SRFBP1: variants seen among roughly 807,000 people sequenced by gnomAD.
SRFBP1 encodes serum response factor binding protein 1.
Under a neutral mutation model 45.5 loss-of-function variants are expected in SRFBP1, and 47 were observed. The observed-to-expected ratio is 1.03, with a 90% CI of 0.82 to 1.32. The LOEUF (loss-of-function observed/expected upper bound fraction) is 1.32, where lower values mean the gene tolerates loss of function less well. SRFBP1 is among the 40% of genes most tolerant of loss of function. The pLI is 0.00. For missense variants in SRFBP1, 621 were observed against 484.6 expected (o/e 1.28, Z -2.64); for synonymous variants, 203 against 166.3 (o/e 1.22, Z -1.70).
chr5:122,070,318 A>C (rs576736693), intron 2 of SRFBP1: 1 of 656,384 alleles, frequency 1.5e-6, no homozygotes, highest in Non-Finnish European at 2.7e-6. Context: ...AAGAGACTGC[A>C]TATTTTCCCC....
chr5:121,996,800 A>G (rs1376308629), intron 4 of SRFBP1, among the ~76,000 whole-genome samples: 2 of 134,228 alleles, frequency 1.5e-5, no homozygotes, highest in African/African-American at 6.1e-5. Context: ...TAAGCTGATA[A>G]GCAACTTCAG....
chr5:121,978,019 C>T (rs961266065), intron 3 of SRFBP1, among the ~76,000 whole-genome samples: 2 of 152,126 alleles, frequency 1.3e-5, no homozygotes, highest in African/African-American at 4.8e-5. Flanking sequence ...AGCCTATCAA[C>T]ACTTATAGAT....
At chr5:122,028,740 A>G (rs1356640696), downstream of SRFBP1, 1 of 152,192 alleles carries the variant, frequency 6.6e-6, no homozygotes, top group East Asian at 1.9e-4. Context: ...ATATAATTTC[A>G]GACTGACAAA....
intron 2 of SRFBP1, among the ~76,000 whole-genome samples, chr5:121,975,029 A>T (rs980403373): frequency 1.3e-5 from 2 of 151,740 alleles, no homozygotes; most frequent in African/African-American, 4.8e-5. Flanking sequence ...TGATTGATTT[A>T]AAAAAGTGTT....
chr5:121,973,950 G>A lies in SRFBP1; in HGVS notation c.37-246G>A, dbSNP rs558689903. Among the ~76,000 whole-genome samples, 62 of 151,664 alleles carry A rather than the reference G, an allele frequency of 4.1e-4. 2 individuals are homozygous for A. The South Asian group carries it at 0.013, about 31-fold the overall frequency. On this transcript the variant is annotated intron_variant, in intron 1 of 7. Transcript: ENST00000339397. Reference sequence around the variant, plus strand: ...GTGTAACATTAAAATACTTATCTCGGGTAATACTGTGACTTTTTAAAAAAT... The same window carrying A: ...GTGTAACATTAAAATACTTATCTCGAGTAATACTGTGACTTTTTAAAAAAT...
rs1202888253 is a variant in SRFBP1 at position 121,974,366 on chromosome 5, G to A, written c.125+82G>A. The A allele has an allele frequency of 4.1e-6, 4 of 975,830 alleles. No homozygotes were observed. In the African/African-American group the frequency reaches 6.6e-5, roughly 16 times the overall value. 60.4% of individuals were successfully genotyped at this position (975,830 alleles called of 1,614,324 possible). On this transcript the variant is annotated intron_variant, in intron 2 of 7. Coordinates refer to ENST00000339397, the MANE Select transcript of SRFBP1 (RefSeq NM_152546.3). ...TTTGATACTTTAAAATGTTTAGGGTGGGATATAGAGAAGTAATTAAATGTC... is the reference window on the plus strand; with the variant it reads ...TTTGATACTTTAAAATGTTTAGGGTAGGATATAGAGAAGTAATTAAATGTC...
chr5:121,987,248 A>G lies in SRFBP1; in HGVS notation c.199-7351A>G, dbSNP rs558236952. ...TAGGAGCATAACAGAAGCATAGTGA[A>G]GGGACTCCCAGTATCACATGTCTCT... On this transcript the variant is annotated intron_variant, in intron 3 of 7. Transcript: ENST00000339397. Among the ~76,000 whole-genome samples, 7 of 152,234 alleles carry G rather than the reference A, an allele frequency of 4.6e-5. No individual in the cohort carries two copies. In the East Asian group the frequency reaches 1.4e-3, roughly 29 times the overall value.
At chr5:122,077,344 G>T, downstream of SRFBP1, 1 of 1,613,622 alleles carries the variant, frequency 6.2e-7, no homozygotes, top group South Asian at 1.1e-5. This position sits in a 1 kb window ranked among gnomAD's most constrained non-coding sequence, Gnocchi z 4.9. Flanking sequence ...AGCGGACTTG[G>T]GGGTACTTAC....
chr5:122,043,803 T>C (rs999819002), intron 2 of SRFBP1, among the ~76,000 whole-genome samples: 17 of 152,196 alleles, frequency 1.1e-4, no homozygotes, highest in Admixed American at 9.8e-4. Flanking sequence ...TCTGGTATTG[T>C]AGCACAAAAG....
chr5:122,008,571 G>T (rs1753024712), intron 4 of SRFBP1, among the ~76,000 whole-genome samples: 1 of 152,060 alleles, frequency 6.6e-6, no homozygotes, highest in Non-Finnish European at 1.5e-5. Context: ...ATGTGTTTTT[G>T]TTGTTGTTGT....
At chr5:122,025,617 GT>G (rs1392596129) in intron 7 of SRFBP1, among the ~76,000 whole-genome samples, 3 of 151,798 alleles carry the variant, frequency 2.0e-5, no homozygotes, top group Non-Finnish European at 4.4e-5. Context: ...ATCCTCTACA[GT>G]TTTTTTTAAA....
chr5:122,025,449 T>C (rs1753460259), intron 7 of SRFBP1, among the ~76,000 whole-genome samples: 2 of 152,208 alleles, frequency 1.3e-5, no homozygotes, highest in African/African-American at 4.8e-5. Context: ...TATAGTAGCA[T>C]GATTTATAAT....
chr5:122,059,998 A>G (rs1330566553), intron 2 of SRFBP1, among the ~76,000 whole-genome samples: 1 of 152,084 alleles, frequency 6.6e-6, no homozygotes, highest in African/African-American at 2.4e-5. Flanking sequence ...CCAGTGTGAC[A>G]TGTTGAATAA....
intron 2 of SRFBP1, among the ~76,000 whole-genome samples, chr5:122,042,566 A>G (rs76248086): frequency 0.011 from 1,668 of 152,270 alleles, 33 homozygotes; most frequent in African/African-American, 0.038. Flanking sequence ...TTGATTTTTA[A>G]AATAACTTCT....
chr5:122,039,643 T>TA (rs1753742797), intron 2 of SRFBP1, among the ~76,000 whole-genome samples: 1 of 152,156 alleles, frequency 6.6e-6, no homozygotes, highest in Non-Finnish European at 1.5e-5. Context: ...ATTTTCAAGA[T>TA]AGAGTTTGAA....
chr5:121,963,556 A>G (rs895150650), intron 1 of SRFBP1, among the ~76,000 whole-genome samples: 1 of 152,164 alleles, frequency 6.6e-6, no homozygotes, highest in African/African-American at 2.4e-5. Flanking sequence ...TTCTTCTTCA[A>G]AACAGTTAAA....
At chr5:122,056,943 A>G (rs1448275271) in intron 2 of SRFBP1, among the ~76,000 whole-genome samples, 1 of 152,188 alleles carries the variant, frequency 6.6e-6, no homozygotes, top group Non-Finnish European at 1.5e-5. Context: ...TGAAGAGGAC[A>G]ATTGGGACCA....
At chr5:122,022,986 G>A (rs761508085) in intron 7 of SRFBP1, among the ~76,000 whole-genome samples, 17 of 152,160 alleles carry the variant, frequency 1.1e-4, no homozygotes, top group East Asian at 1.9e-4. Flanking sequence ...ATCTTTTGGC[G>A]TTTTCCTCCT....
chr5:121,962,649 C>T lies in SRFBP1; in HGVS notation c.36+581C>T, dbSNP rs371512274. 2.3e-4 allele frequency among the ~76,000 whole-genome samples: 35 copies of T among 152,274 alleles called. No individual in the cohort carries two copies. In the East Asian group the frequency reaches 3.5e-3, roughly 15 times the overall value. On this transcript the variant is annotated intron_variant, in intron 1 of 7. Coordinates refer to ENST00000339397, the MANE Select transcript of SRFBP1 (RefSeq NM_152546.3). ...TCCTCAATTCTTTTTTCTGCTTTTT[C>T]AGTCCATTCTCATCAGACATTTGTT...
Sources: gnomAD v4.1 joint callset for allele counts (sites outside exome capture counted in the v4.1 genomes callset) on GRCh38, gnomAD v4.1.1 for gene constraint, Gnocchi (gnomAD v3.1) non-coding constraint, MANE v1.5 for transcripts, NCBI Gene and HGNC (gene_info 2026-07-23, HGNC 2026-07-21) for gene names.